PDE8B: variants seen among roughly 807,000 people sequenced by gnomAD.
The protein encoded by PDE8B is phosphodiesterase 8B.
A neutral mutation model predicts 101.3 loss-of-function variants in PDE8B; 26 were observed. The ratio of observed to expected loss-of-function variants is 0.26; its 90% confidence interval spans 0.19 to 0.36. The LOEUF is 0.36. PDE8B is among the 10% of genes least tolerant of loss of function. The pLI, the probability that PDE8B is intolerant of heterozygous loss-of-function variation, is 1.00. For synonymous variants in PDE8B, 424 were observed against 429.3 expected (o/e 0.99, Z 0.15); for missense variants, 810 against 1,163.1 (o/e 0.70, Z 4.42).
chr5:77,422,014 C>A (rs1429411615), intron 20 of PDE8B, 26 bp downstream of exon 20: 1 of 1,605,732 alleles, frequency 6.2e-7, no homozygotes, highest in East Asian at 2.2e-5. Flanking sequence ...AGGGAAGCTC[C>A]ACTTCCCCTC....
intron 1 of PDE8B, among the ~76,000 whole-genome samples, chr5:77,226,799 G>A (rs1379510296): frequency 1.3e-5 from 2 of 152,050 alleles, no homozygotes; most frequent in African/African-American, 4.8e-5. Flanking sequence ...ACTTTTTTCT[G>A]CTTTCAACCC....
At position 77,328,990 on chromosome 5, in the gene PDE8B, C is replaced by T; in HGVS notation, c.591-8C>T. On this transcript the variant is annotated splice_region_variant and splice_polypyrimidine_tract_variant and intron_variant, in intron 3 of 21. Coordinates refer to ENST00000264917, the MANE Select transcript of PDE8B (RefSeq NM_003719.5). ...CACCTTGTTTGACTTGGAGCCTTCT[C>T]ATTGCAGGTCGATCCGGGCCACAAA... 1 of 1,613,350 alleles carries T rather than the reference C, an allele frequency of 6.2e-7. No homozygotes were observed. The highest frequency in any genetic ancestry group is 8.5e-7 in the Non-Finnish European group (1 of 1,179,286).
the PDE8B span, among the ~76,000 whole-genome samples, chr5:77,136,365 T>C: frequency 6.6e-6 from 1 of 152,240 alleles, no homozygotes; most frequent in East Asian, 1.9e-4. Context: ...TGTCTACTGA[T>C]TTTTGACTAT....
At position 77,241,730 on chromosome 5, in the gene PDE8B, T is replaced by C. The variant is rs78913485; in HGVS notation, c.339+30466T>C. ...ATGTGTTCTTCAAGCAAAGTTCACG[T>C]TGGCCATCAGATTATTTCTCTGGGA... On this transcript the variant is annotated intron_variant, in intron 1 of 21. Coordinates refer to ENST00000264917, the MANE Select transcript of PDE8B (RefSeq NM_003719.5). Among the ~76,000 whole-genome samples the C allele has an allele frequency of 3.3e-5, 5 of 152,364 alleles. No individual in the cohort carries two copies. In the East Asian group the frequency reaches 7.7e-4, roughly 23 times the overall value.
the PDE8B span, among the ~76,000 whole-genome samples, chr5:77,096,471 C>T: frequency 6.6e-6 from 1 of 152,050 alleles, no homozygotes; most frequent in Non-Finnish European, 1.5e-5. Flanking sequence ...TGGTAAGTTC[C>T]CTATCAAGAT....
intron 1 of PDE8B, among the ~76,000 whole-genome samples, chr5:77,222,791 A>G (rs1237608259): frequency 6.6e-6 from 1 of 152,146 alleles, no homozygotes; most frequent in Admixed American, 6.5e-5. Flanking sequence ...TCAGCTGAAG[A>G]CTGTAAGGAA....
chr5:77,316,525 C>T (rs1232673126), intron 2 of PDE8B, among the ~76,000 whole-genome samples: 1 of 152,158 alleles, frequency 6.6e-6, no homozygotes, highest in Non-Finnish European at 1.5e-5. Flanking sequence ...AGCCACCGTG[C>T]CCGGCCTGAA....
the PDE8B span, chr5:77,144,268 A>G: frequency 6.6e-6 from 1 of 152,282 alleles, no homozygotes. Context: ...CAATGGGGAC[A>G]GAAGAATCTG....
chr5:77,342,998 T>C (rs1581147323), intron 6 of PDE8B, among the ~76,000 whole-genome samples: 1 of 152,378 alleles, frequency 6.6e-6, no homozygotes, highest in South Asian at 2.1e-4. Flanking sequence ...AACTTCTCCA[T>C]GACCACAACT....
At chr5:77,130,990 C>T in the PDE8B span, 1 of 152,258 alleles carries the variant, frequency 6.6e-6, no homozygotes, top group Non-Finnish European at 1.5e-5. Flanking sequence ...TGTGGACTGC[C>T]TCTCCCTGTG....
chr5:77,377,542 A>G (rs1038727514), intron 10 of PDE8B, among the ~76,000 whole-genome samples: 9 of 152,328 alleles, frequency 5.9e-5, no homozygotes, highest in Admixed American at 1.3e-4. Flanking sequence ...TAAAAAGTAG[A>G]TGTGATGCTT....
chr5:77,217,105 G>A (rs1031684572), intron 1 of PDE8B, among the ~76,000 whole-genome samples: 6 of 152,120 alleles, frequency 3.9e-5, no homozygotes, highest in South Asian at 2.1e-4. Flanking sequence ...TGGAGACCTC[G>A]AACTTATTGC....
At chr5:77,288,199 T>C (rs17750550) in intron 1 of PDE8B, among the ~76,000 whole-genome samples, 18,641 of 152,186 alleles carry the variant, frequency 0.12, 1,300 homozygotes, top group East Asian at 0.3. Context: ...TTGCAGCTCA[T>C]TGGGGTCCCC....
chr5:77,396,174 A>G (rs1197133088), intron 10 of PDE8B, among the ~76,000 whole-genome samples: 1 of 152,270 alleles, frequency 6.6e-6, no homozygotes, highest in Non-Finnish European at 1.5e-5. Flanking sequence ...AAAGGGAACA[A>G]TTCCTTCACA....
chr5:77,302,510 G>A (rs913684395), intron 1 of PDE8B, among the ~76,000 whole-genome samples: 4 of 152,186 alleles, frequency 2.6e-5, no homozygotes, highest in Non-Finnish European at 4.4e-5. Context: ...CCACTGCAGC[G>A]GGAGCGGGTG....
At chr5:77,091,312 T>G in the PDE8B span, among the ~76,000 whole-genome samples, 1 of 152,172 alleles carries the variant, frequency 6.6e-6, no homozygotes, top group East Asian at 1.9e-4. Context: ...CATACAAATA[T>G]TTCGTATCAA....
chr5:77,333,820 A>G (rs1252897553), intron 5 of PDE8B, among the ~76,000 whole-genome samples: 2 of 152,222 alleles, frequency 1.3e-5, no homozygotes, highest in Admixed American at 6.5e-5. Context: ...GGAAGGCTTC[A>G]TTTGCCACTA....
At chr5:77,223,061 T>C (rs1159121664) in intron 1 of PDE8B, among the ~76,000 whole-genome samples, 2 of 152,208 alleles carry the variant, frequency 1.3e-5, no homozygotes, top group African/African-American at 4.8e-5. Context: ...GTGACCCAGA[T>C]GTAACCTGCA....
chr5:77,271,792 A>G (rs1056968830), intron 1 of PDE8B, among the ~76,000 whole-genome samples: 2 of 152,312 alleles, frequency 1.3e-5, no homozygotes, highest in African/African-American at 2.4e-5. Flanking sequence ...GTCCTTATAC[A>G]TTCTCATCTG....
Sources: gnomAD v4.1 joint callset for allele counts (sites outside exome capture counted in the v4.1 genomes callset) on GRCh38, gnomAD v4.1.1 for gene constraint, MANE v1.5 for transcripts, NCBI Gene and HGNC (gene_info 2026-07-23, HGNC 2026-07-21) for gene names.